Variants in FAM222B observed in about 807,000 individuals in gnomAD.
The protein encoded by FAM222B is family with sequence similarity 222 member B.
FAM222B carries 12 observed loss-of-function variants against 38.0 expected under a neutral mutation model. The observed-to-expected ratio is 0.32, with a 90% CI of 0.20 to 0.51. The LOEUF is 0.51. Among genes scored for constraint, FAM222B ranks in the 20% least tolerant of loss-of-function variants. The probability of loss-of-function intolerance (pLI) is 0.97; values close to 1 mark genes in which losing one functional copy is unlikely to be tolerated. For missense variants in FAM222B, 716 were observed against 754.2 expected, an observed-to-expected ratio of 0.95 and a Z score of 0.59; for synonymous variants, 329 against 317.2, an observed-to-expected ratio of 1.04 and a Z score of -0.40.
chr17:28,819,913 A>G (rs2038152275), intron 1 of FAM222B, among the ~76,000 whole-genome samples: 2 of 152,260 alleles, frequency 1.3e-5, no homozygotes, highest in Admixed American at 6.5e-5. Context: ...GCCTGAGTCC[A>G]GCAAAAGCAA....
chr17:28,810,169 TTA>T (rs2037687132), intron 1 of FAM222B, among the ~76,000 whole-genome samples: 2 of 152,046 alleles, frequency 1.3e-5, no homozygotes, highest in African/African-American at 2.4e-5. Context: ...GCTAATTTTT[TTA>T]TGTTTTGGTA....
intron 1 of FAM222B, among the ~76,000 whole-genome samples, chr17:28,798,434 G>C (rs1464317173): frequency 6.6e-6 from 1 of 152,050 alleles, no homozygotes; most frequent in East Asian, 1.9e-4. Context: ...GAAATAGAAA[G>C]TACTGGGTAG....
chr17:28,811,226 G>T (rs2037746574), intron 1 of FAM222B, among the ~76,000 whole-genome samples: 1 of 152,118 alleles, frequency 6.6e-6, no homozygotes, highest in East Asian at 1.9e-4. Context: ...GGATCACGAG[G>T]TCAGGATATC....
At chr17:28,838,758 T>C (rs943411353) in intron 1 of FAM222B, among the ~76,000 whole-genome samples, 1 of 150,512 alleles carries the variant, frequency 6.6e-6, no homozygotes, top group African/African-American at 2.5e-5. Context: ...AATACAAAAA[T>C]CAGCCAGGTA....
Position 28,756,089 on chromosome 17 carries a change from A to T in FAM222B, c.*2181T>A, listed in dbSNP as rs185975488. 6.6e-6 allele frequency: 1 copy of T among 152,652 alleles called. No individual in the cohort carries two copies. Among genetic ancestry groups the T allele is most frequent in the Non-Finnish European group, 1.5e-5 (1 of 68,048 alleles). The allele number at this position is 152,652 out of a possible 1,614,324, so 9.5% of individuals were successfully genotyped here. On this transcript the variant is annotated 3_prime_UTR_variant, in exon 3 of 3. Transcript: ENST00000581407. ...GGAGAATGAATGCTACAGTATGTGG[A>T]TAGAATGGGGAATCCAGGTATTCCC...
intron 1 of FAM222B, among the ~76,000 whole-genome samples, chr17:28,768,224 G>A (rs1221722577): frequency 6.6e-6 from 1 of 152,112 alleles, no homozygotes; most frequent in Non-Finnish European, 1.5e-5. Context: ...AAAAGGAGTG[G>A]GGGAAAAGCT....
At chr17:28,776,949 T>C (rs2035925137) in intron 1 of FAM222B, 1 of 152,218 alleles carries the variant, frequency 6.6e-6, no homozygotes, top group Non-Finnish European at 1.5e-5. Flanking sequence ...TCAGTCATCT[T>C]TATGGTCTGT....
chr17:28,814,451 C>G (rs937624605), intron 1 of FAM222B, among the ~76,000 whole-genome samples: 1 of 152,050 alleles, frequency 6.6e-6, no homozygotes, highest in Admixed American at 6.6e-5. Context: ...GTATGACATG[C>G]CTGTTTTTAT....
At chr17:28,811,808 C>T (rs1237934082) in intron 1 of FAM222B, among the ~76,000 whole-genome samples, 3 of 152,162 alleles carry the variant, frequency 2.0e-5, no homozygotes, top group Non-Finnish European at 2.9e-5. Flanking sequence ...ATTGTTATTG[C>T]TGATCAAGGC....
chr17:28,806,177 A>G (rs980293173), intron 1 of FAM222B, among the ~76,000 whole-genome samples: 11 of 151,968 alleles, frequency 7.2e-5, no homozygotes, highest in African/African-American at 2.7e-4. Context: ...GTCCTTGAGA[A>G]TATCTTTGGA....
intron 1 of FAM222B, among the ~76,000 whole-genome samples, chr17:28,795,590 G>A (rs1432188514): frequency 2.0e-5 from 3 of 152,174 alleles, no homozygotes; most frequent in East Asian, 1.9e-4. Context: ...ACCACACCCA[G>A]CTAATTTTTT....
intron 1 of FAM222B, among the ~76,000 whole-genome samples, chr17:28,791,517 G>T (rs544249916): frequency 1.3e-5 from 2 of 151,806 alleles, no homozygotes; most frequent in Admixed American, 1.3e-4. Context: ...AGCATTCATG[G>T]ACTCCCTTAT....
Position 28,824,998 on chromosome 17 carries a change from C to T in FAM222B, c.-41+17684G>A, listed in dbSNP as rs373776325. Among the ~76,000 whole-genome samples the T allele has an allele frequency of 2.8e-4, 42 of 151,996 alleles. No homozygotes were observed. In the East Asian group the frequency reaches 5.9e-3, roughly 21 times the overall value. Reference sequence around the variant, plus strand: ...CTGGCTGGTCTCGAACTCCTGACCTCGGTGATCCGCCCGCCTTGGCCTCCC... The same window carrying T: ...CTGGCTGGTCTCGAACTCCTGACCTTGGTGATCCGCCCGCCTTGGCCTCCC... On this transcript the variant is annotated intron_variant, in intron 1 of 2. Transcript: ENST00000581407.
chr17:28,790,884 CTTTTTTTTTTTTTTTT>C lies in FAM222B; in HGVS notation c.-40-24193_-40-24178del, dbSNP rs60664262. Among the ~76,000 whole-genome samples, 50 of 86,090 alleles carry C rather than the reference CTTTTTTTTTTTTTTTT, an allele frequency of 5.8e-4. 1 individual carries two copies. The highest frequency in any genetic ancestry group is 4.2e-3 in the East Asian group (12 of 2,848). The allele number at this position is 86,090 out of a possible 152,430, so 56.5% of individuals were successfully genotyped here. ...GTTCTATATATTTCAAATTGTTTCA[CTTTTTTTTTTTTTTTT>C]TTTTTTTTTTTTTTTAGAGACAGAA... On this transcript the variant is annotated intron_variant, in intron 1 of 2. Transcript: ENST00000581407.
Position 28,756,335 on chromosome 17 carries a change from C to T in FAM222B, c.*1935G>A, listed in dbSNP as rs1322054056. The T allele has an allele frequency of 6.6e-6, 1 of 152,392 alleles. No homozygotes were observed. The highest frequency in any genetic ancestry group is 1.5e-5 in the Non-Finnish European group (1 of 68,056). 9.4% of individuals were successfully genotyped at this position (152,392 alleles called of 1,614,324 possible). A position where few individuals can be genotyped will look rare whatever the true frequency, so the allele number is the denominator to read the frequency against. ...GAGTGAGAGCTTCAGAGGCTTGCAC[C>T]CCTACACAGGAAGAGATGGGTTTGA... On this transcript the variant is annotated 3_prime_UTR_variant, in exon 3 of 3. Coordinates refer to ENST00000581407, the MANE Select transcript of FAM222B (RefSeq NM_001077498.3).
At chr17:28,816,012 T>G (rs2038010185) in intron 1 of FAM222B, among the ~76,000 whole-genome samples, 1 of 148,462 alleles carries the variant, frequency 6.7e-6, no homozygotes. Context: ...AGCTGACGCC[T>G]GTAATCAATC....
In FAM222B at chr17:28,781,116, G is replaced by A. The variant is rs952590030; in HGVS notation, c.-40-14409C>T. Among the ~76,000 whole-genome samples, 9 of 152,172 alleles carry A rather than the reference G, an allele frequency of 5.9e-5. No individual in the cohort carries two copies. The South Asian group carries it at 6.2e-4, about 11-fold the overall frequency. ...GAAAAAATGCTCAACATTGGTAACTGTCAGAGAAATGCAAGTTAAAACCAC... is the reference window on the plus strand; with the variant it reads ...GAAAAAATGCTCAACATTGGTAACTATCAGAGAAATGCAAGTTAAAACCAC... On this transcript the variant is annotated intron_variant, in intron 1 of 2. Coordinates refer to ENST00000581407, the MANE Select transcript of FAM222B (RefSeq NM_001077498.3).
chr17:28,825,851 T>C (rs9303620), intron 1 of FAM222B, among the ~76,000 whole-genome samples: 58,296 of 151,284 alleles, frequency 0.39, 13,119 homozygotes, highest in African/African-American at 0.63. Flanking sequence ...TCTTGGCTCA[T>C]TGCAACCTCT....
chr17:28,804,127 G>C (rs986335905), intron 1 of FAM222B, among the ~76,000 whole-genome samples: 1 of 152,172 alleles, frequency 6.6e-6, no homozygotes, highest in Non-Finnish European at 1.5e-5. Flanking sequence ...TCGGGAACCA[G>C]GACATCTATC....
Sources: gnomAD v4.1 joint callset for allele counts (sites outside exome capture counted in the v4.1 genomes callset) on GRCh38, gnomAD v4.1.1 for gene constraint, MANE v1.5 for transcripts, NCBI Gene and HGNC (gene_info 2026-07-23, HGNC 2026-07-21) for gene names.